Variants in HMCN2 observed in about 807,000 individuals in gnomAD.
HMCN2 encodes the protein hemicentin-2.
In HMCN2, 325 loss-of-function variants were observed where a neutral mutation model predicts 377.5. The ratio of observed to expected loss-of-function variants is 0.86; its 90% confidence interval spans 0.79 to 0.94. The LOEUF (loss-of-function observed/expected upper bound fraction) is 0.94, where lower values mean the gene tolerates loss of function less well. Among genes scored for constraint, HMCN2 ranks in the 40% least tolerant of loss-of-function variants. The pLI is 0.00. For missense variants in HMCN2, 4,543 were observed against 4,725.3 expected (o/e 0.96, Z 1.13); for synonymous variants, 2,007 against 2,046.8 (o/e 0.98, Z 0.53).
rs1843011174 is a variant in HMCN2 at position 130,404,800 on chromosome 9, A to G, written c.12149-69A>G. ...GGGCTGAAGGGCTGGGCCAAAGGCC[A>G]AGGGCCCCAGGATGGTGTCAGCCGC... On this transcript the variant is annotated intron_variant, in intron 80 of 97. Coordinates refer to ENST00000683500, the MANE Select transcript of HMCN2 (RefSeq NM_001291815.2). 26 of 1,108,740 alleles carry G rather than the reference A, an allele frequency of 2.3e-5. No homozygotes were observed. In the South Asian group the frequency reaches 4.5e-4, roughly 19 times the overall value. The allele number at this position is 1,108,740 out of a possible 1,614,324, so 68.7% of individuals were successfully genotyped here.
chr9:130,332,378 C>T (rs1049422942), intron 22 of HMCN2, among the ~76,000 whole-genome samples: 1 of 152,242 alleles, frequency 6.6e-6, no homozygotes, highest in Non-Finnish European at 1.5e-5. Context: ...ACCAGGACCA[C>T]ACCTCCGGAG....
chr9:130,374,941 T>C (rs1006994114), intron 49 of HMCN2, among the ~76,000 whole-genome samples: 6 of 152,214 alleles, frequency 3.9e-5, no homozygotes, highest in East Asian at 3.8e-4. Context: ...CCCCATGTCA[T>C]TGATGAAGCC....
rs772980243 is a variant in HMCN2 at position 130,433,723 on chromosome 9, C to G, written c.*30C>G. 2 of 1,409,380 alleles carry G rather than the reference C, an allele frequency of 1.4e-6. No homozygotes were observed. Among genetic ancestry groups the G allele is most frequent in the African/African-American group, 3.0e-5 (2 of 65,620 alleles). The allele number at this position is 1,409,380 out of a possible 1,614,324, so 87.3% of individuals were successfully genotyped here. ...GAGAGGGCATTGGCGGCCGCCCTGG[C>G]GTGACCCCCGAGGAAGGGGTCGAGG... is the stretch of plus-strand genomic sequence containing the variant. On this transcript the variant is annotated 3_prime_UTR_variant, in exon 98 of 98. Coordinates refer to ENST00000683500, the MANE Select transcript of HMCN2 (RefSeq NM_001291815.2).
chr9:130,352,501 C>A (rs990126593), intron 30 of HMCN2, among the ~76,000 whole-genome samples: 3 of 152,224 alleles, frequency 2.0e-5, no homozygotes, highest in African/African-American at 7.2e-5. Flanking sequence ...TTCTGAGATG[C>A]AGTTATTTCA....
At chr9:130,276,959 G>A (rs532231363) in intron 1 of HMCN2, among the ~76,000 whole-genome samples, 90 of 152,348 alleles carry the variant, frequency 5.9e-4, no homozygotes, top group African/African-American at 2.0e-3. Context: ...AGAGAAGCAG[G>A]GGCAAGACAG....
chr9:130,375,847 GGT>G (rs1841348711), intron 50 of HMCN2, 27 bp from the exon 51 acceptor site: 1 of 984,308 alleles, frequency 1.0e-6, no homozygotes, highest in African/African-American at 1.7e-5. Context: ...GCAGATTTGG[GGT>G]GACCCTGGCC....
chr9:130,312,865 C>T (rs992002569), intron 15 of HMCN2, among the ~76,000 whole-genome samples: 14 of 151,776 alleles, frequency 9.2e-5, no homozygotes, highest in Non-Finnish European at 1.9e-4. Context: ...GGGGTTTCAC[C>T]ATGTTGTTCA....
chr9:130,402,318 G>A (rs543589346), intron 77 of HMCN2, among the ~76,000 whole-genome samples: 28 of 152,344 alleles, frequency 1.8e-4, no homozygotes, highest in African/African-American at 6.7e-4. Flanking sequence ...AGTCTGGGAA[G>A]GTTAAAATGG....
Position 130,393,993 on chromosome 9 carries a change from C to T in HMCN2, c.10486C>T (p.Gln3496Ter). 1 of 1,267,894 alleles carries T rather than the reference C, an allele frequency of 7.9e-7. No homozygotes were observed. Among genetic ancestry groups the T allele is most frequent in the Non-Finnish European group, 1.0e-6 (1 of 978,952 alleles). 78.5% of individuals were successfully genotyped at this position (1,267,894 alleles called of 1,614,324 possible). A position where few individuals can be genotyped will look rare whatever the true frequency, so the allele number is the denominator to read the frequency against. The change falls in exon 68 of 98, where the codon CAG (glutamine) becomes TAG (stop). Residue 3496 changes from glutamine to a stop codon, truncating the protein, a stop_gained. Coordinates refer to ENST00000683500, the MANE Select transcript of HMCN2 (RefSeq NM_001291815.2). LOFTEE classifies it high-confidence loss of function. This position sits in a 1 kb window ranked among gnomAD's most constrained non-coding sequence, Gnocchi z 5.2. ...GGCGGGGGAAGCCAGGAGGCATTTC[C>T]AGCTGACCGTCATGGGTGGGTCCTC... The part of the protein sequence containing the change: ...SEAGEARRHF[Q>*]LTVMEPPHIE...
chr9:130,430,225 T>A, intron 94 of HMCN2, 59 bp from the exon 95 acceptor site: 1 of 1,373,558 alleles, frequency 7.3e-7, no homozygotes, highest in Non-Finnish European at 9.8e-7. Flanking sequence ...AGGCAATGGC[T>A]GCAGGCTGCA....
chr9:130,305,937 T>TGCTCAGGGGCCGC (rs1233462335), intron 11 of HMCN2, among the ~76,000 whole-genome samples, 192 bp from the exon 12 acceptor site: 14 of 152,284 alleles, frequency 9.2e-5, no homozygotes, highest in Admixed American at 5.9e-4. Flanking sequence ...CCTGGGGATG[T>TGCTCAGGGGCCGC]GCTCAGGGGC....
chr9:130,293,097 A>T (rs1258158139), intron 4 of HMCN2, among the ~76,000 whole-genome samples: 2 of 151,984 alleles, frequency 1.3e-5, no homozygotes, highest in African/African-American at 4.8e-5. Flanking sequence ...CACATTGTAG[A>T]TCTTTTACTT....
Position 130,415,918 on chromosome 9 carries a change from A to G in HMCN2, c.12962-2854A>G, listed in dbSNP as rs375044491. ...GCCCCTTTTCCTGATGATATTTCTC[A>G]GGGCATACTTTCATCCTCTACTGCA... On this transcript the variant is annotated intron_variant, in intron 85 of 97. Coordinates refer to ENST00000683500, the MANE Select transcript of HMCN2 (RefSeq NM_001291815.2). Among the ~76,000 whole-genome samples the G allele has an allele frequency of 3.3e-5, 5 of 152,148 alleles. 1 individual carries two copies. Among genetic ancestry groups the G allele is most frequent in the East Asian group, 3.9e-4 (2 of 5,160 alleles).
intron 62 of HMCN2, among the ~76,000 whole-genome samples, chr9:130,389,393 C>T (rs1842185558): frequency 6.6e-6 from 1 of 152,000 alleles, no homozygotes; most frequent in Admixed American, 6.6e-5. Flanking sequence ...TCCCCGTTTT[C>T]TCCCCATTTC....
intron 15 of HMCN2, among the ~76,000 whole-genome samples, chr9:130,316,868 C>T (rs1050813409): frequency 0.017 from 2,538 of 152,262 alleles, 66 homozygotes; most frequent in African/African-American, 0.057. Flanking sequence ...CCCCTGACCT[C>T]AGCAGGACGT....
intron 8 of HMCN2, among the ~76,000 whole-genome samples, chr9:130,302,535 CT>C (rs1368751207): frequency 6.6e-6 from 1 of 152,160 alleles, no homozygotes; most frequent in Non-Finnish European, 1.5e-5. Flanking sequence ...GCTGGCCAAC[CT>C]TGAATTGAAT....
chr9:130,341,412 C>G (rs1839040287), intron 24 of HMCN2, 47 bp downstream of exon 24: 1 of 152,358 alleles, frequency 6.6e-6, no homozygotes, highest in Non-Finnish European at 1.5e-5. Flanking sequence ...GCTCTCCCAG[C>G]CACAGCCTGG....
At chr9:130,431,616 G>A (rs1844764660) in intron 96 of HMCN2, 130 bp downstream of exon 96, 3 of 1,367,942 alleles carry the variant, frequency 2.2e-6, no homozygotes, top group Admixed American at 2.3e-5. Context: ...GGTGGGGCGG[G>A]GAGGCAGGCT....
chr9:130,325,099 T>C (rs1426735577), intron 19 of HMCN2, among the ~76,000 whole-genome samples: 1 of 147,148 alleles, frequency 6.8e-6, no homozygotes. Flanking sequence ...TCTTCTTCTT[T>C]TTTTTTTTTT....
Sources: gnomAD v4.1 joint callset for allele counts (sites outside exome capture counted in the v4.1 genomes callset) on GRCh38, gnomAD v4.1.1 for gene constraint, Gnocchi (gnomAD v3.1) non-coding constraint, MANE v1.5 for transcripts, NCBI Gene and HGNC (gene_info 2026-07-23, HGNC 2026-07-21) for gene names.